The following FHOD1 variants were observed in gnomAD, a reference collection of about 807,000 sequenced individuals.
FHOD1 encodes the protein FH1/FH2 domain-containing protein 1.
Under a neutral mutation model 111.6 loss-of-function variants are expected in FHOD1, and 89 were observed. The observed-to-expected ratio is 0.80, with a 90% CI of 0.67 to 0.95. The LOEUF (loss-of-function observed/expected upper bound fraction) is 0.95. FHOD1 is among the 40% of genes least tolerant of loss of function. The pLI, the probability that FHOD1 is intolerant of heterozygous loss-of-function variation, is 0.00. For synonymous variants in FHOD1, 618 were observed against 639.0 expected (o/e 0.97, Z 0.50); for missense variants, 1,446 against 1,554.2 (o/e 0.93, Z 1.17).
rs756994428 is a variant in FHOD1 at position 67,229,454 on chromosome 16, A to G, written c.*182T>C. On this transcript the variant is annotated 3_prime_UTR_variant, in exon 22 of 22. Coordinates refer to ENST00000258201, the MANE Select transcript of FHOD1 (RefSeq NM_013241.3). The stretch of plus-strand genomic sequence containing the variant: ...AAGGAGCTCACACACATGCACATGC[A>G]TATGCATGCACACACACACATACAC... 12 of 628,340 alleles carry G rather than the reference A, an allele frequency of 1.9e-5. No individual in the cohort carries two copies. The highest frequency in any genetic ancestry group is 5.5e-5 in the African/African-American group (3 of 54,352). 38.9% of individuals were successfully genotyped at this position (628,340 alleles called of 1,614,324 possible).
intron 1 of FHOD1, among the ~76,000 whole-genome samples, chr16:67,242,744 G>A (rs1407077013): frequency 1.3e-5 from 2 of 152,034 alleles, no homozygotes; most frequent in Non-Finnish European, 2.9e-5. Flanking sequence ...TTCTCACATT[G>A]GCCTCCAGCC....
chr16:67,232,518 C>CAAA (rs988902359), intron 13 of FHOD1, among the ~76,000 whole-genome samples: 20 of 48,528 alleles, frequency 4.1e-4, no homozygotes, highest in Admixed American at 1.5e-3. Context: ...GACTCTGTCT[C>CAAA]AAAAAAAAAA....
chr16:67,246,907 G>T (rs2034864828), intron 1 of FHOD1: 2 of 413,190 alleles, frequency 4.8e-6, no homozygotes, highest in South Asian at 7.9e-5. Flanking sequence ...CCGTCACTCT[G>T]ACCAGGGAAG....
intron 13 of FHOD1, among the ~76,000 whole-genome samples, chr16:67,233,420 C>A (rs752026377): frequency 3.3e-5 from 5 of 151,536 alleles, no homozygotes; most frequent in Non-Finnish European, 5.9e-5. Context: ...CACTATGTTG[C>A]ACAGGCTGGT....
rs774648444 is a variant in FHOD1 at position 67,238,349 on chromosome 16, C to T, written c.441+31G>A. ...GGAGTTTAGGGAAGCTTGGGCTACACACTTACCCCCAGCCCACTGCGGGGC... is the reference window on the plus strand; with the variant it reads ...GGAGTTTAGGGAAGCTTGGGCTACATACTTACCCCCAGCCCACTGCGGGGC... On this transcript the variant is annotated intron_variant, in intron 4 of 21. Coordinates refer to ENST00000258201, the MANE Select transcript of FHOD1 (RefSeq NM_013241.3). This position sits in a 1 kb window ranked among gnomAD's most constrained non-coding sequence, Gnocchi z 4.2. The T allele has an allele frequency of 1.2e-6, 2 of 1,613,918 alleles. No individual in the cohort carries two copies. The highest frequency in any genetic ancestry group is 1.3e-5 in the African/African-American group (1 of 74,912).
At chr16:67,239,055 C>G (rs906079512) in intron 2 of FHOD1, 88 bp from the exon 3 acceptor site, 3 of 1,269,104 alleles carry the variant, frequency 2.4e-6, no homozygotes, top group South Asian at 2.4e-5. Flanking sequence ...CCTCCCCATG[C>G]CAGCCCCAGC....
chr16:67,230,582 C>G lies in FHOD1; in HGVS notation c.2858+19G>C, dbSNP rs766630962. The G allele has an allele frequency of 6.2e-7, 1 of 1,613,938 alleles. No homozygotes were observed. On this transcript the variant is annotated intron_variant, in intron 18 of 21. Coordinates refer to ENST00000258201, the MANE Select transcript of FHOD1 (RefSeq NM_013241.3). ...GGAGGGTGGTGGCCGTCCTGCCTCT[C>G]TTGGGTCCATGCCCCTACCTATTGC...
In FHOD1 at chr16:67,237,590, C is replaced by G. The variant is rs2034537633; in HGVS notation, c.755-21G>C. ...AGCACCTGCCACACAGAAAGTGGAGCAGTCATGGGGGAACAGGTAGGAGAG... is the reference window on the plus strand; with the variant it reads ...AGCACCTGCCACACAGAAAGTGGAGGAGTCATGGGGGAACAGGTAGGAGAG... On this transcript the variant is annotated intron_variant, in intron 7 of 21. Coordinates refer to ENST00000258201, the MANE Select transcript of FHOD1 (RefSeq NM_013241.3). The surrounding 1 kb of genome is among the most constrained non-coding windows in gnomAD (Gnocchi z 5.6). The G allele has an allele frequency of 6.2e-7, 1 of 1,613,568 alleles. No individual in the cohort carries two copies. Among genetic ancestry groups the G allele is most frequent in the African/African-American group, 1.3e-5 (1 of 74,876 alleles).
Position 67,229,850 on chromosome 16 carries a change from T to C in FHOD1, c.3355A>G (p.Ser1119Gly). The C allele has an allele frequency of 6.2e-7, 1 of 1,614,244 alleles. No homozygotes were observed. The highest frequency in any genetic ancestry group is 1.1e-5 in the South Asian group (1 of 91,088). The stretch of plus-strand genomic sequence containing the variant: ...TCCCTAGCAGCTAAGGCACGAGGAC[T>C]GCTCTTGGTCACTGACTGCACCAGA... Reference protein sequence around the residue: ...DLLVQSVTKSSPRALAARERK... With the variant: ...DLLVQSVTKSGPRALAARERK... The change falls in exon 21 of 22, where the codon AGT becomes GGT. Residue 1119 changes from serine (S) to glycine (G), a missense_variant. Coordinates refer to ENST00000258201, the MANE Select transcript of FHOD1 (RefSeq NM_013241.3).
At chr16:67,232,536 A>C (rs969350149) in intron 13 of FHOD1, among the ~76,000 whole-genome samples, 4 of 151,500 alleles carry the variant, frequency 2.6e-5, no homozygotes, top group Non-Finnish European at 4.4e-5. Flanking sequence ...AAAAAAAAAA[A>C]AAAAAGACTG....
intron 1 of FHOD1, among the ~76,000 whole-genome samples, chr16:67,243,121 G>A (rs570703881): frequency 6.6e-6 from 1 of 152,168 alleles, no homozygotes; most frequent in South Asian, 2.1e-4. Flanking sequence ...CAGGGTACAG[G>A]GAAGATGGAA....
In FHOD1 at chr16:67,237,866, A is replaced by C; in HGVS notation, c.643-98T>G. The C allele has an allele frequency of 7.3e-7, 1 of 1,367,002 alleles. No individual in the cohort carries two copies. Among genetic ancestry groups the C allele is most frequent in the Non-Finnish European group, 1.0e-6 (1 of 963,064 alleles). The allele number at this position is 1,367,002 out of a possible 1,614,324, so 84.7% of individuals were successfully genotyped here. ...AGGGCTGCTGGGGCTGGACCCAGAG[A>C]GAATCTAGGCAGAATGACCCTGGCC... On this transcript the variant is annotated intron_variant, in intron 6 of 21. Transcript: ENST00000258201. This position sits in a 1 kb window ranked among gnomAD's most constrained non-coding sequence, Gnocchi z 5.6.
intron 1 of FHOD1, among the ~76,000 whole-genome samples, chr16:67,244,165 T>G (rs1195519969): frequency 6.6e-6 from 1 of 152,146 alleles, no homozygotes; most frequent in Non-Finnish European, 1.5e-5. Context: ...AGGGCTTTCC[T>G]GGCCTTTGCA....
rs1396033537 is a variant in FHOD1, at chr16:67,236,738, A to C, written c.1143-5T>G. The C allele has an allele frequency of 5.9e-6, 9 of 1,518,618 alleles. No individual in the cohort carries two copies. Among genetic ancestry groups the C allele is most frequent in the Non-Finnish European group, 8.0e-6 (9 of 1,131,064 alleles). The allele number at this position is 1,518,618 out of a possible 1,614,324, so 94.1% of individuals were successfully genotyped here. On this transcript the variant is annotated splice_region_variant and splice_polypyrimidine_tract_variant and intron_variant, in intron 10 of 21. Transcript: ENST00000258201. ...GGTGAGGCGGGGCCTGTGGGGCTGA[A>C]AGCAGGGGCTGTCAGTGGGGCGGGG... is the stretch of plus-strand genomic sequence containing the variant.
At chr16:67,241,255 G>A (rs1326636810) in intron 1 of FHOD1, among the ~76,000 whole-genome samples, 1 of 152,114 alleles carries the variant, frequency 6.6e-6, no homozygotes, top group African/African-American at 2.4e-5. Context: ...CTCCCTGGGA[G>A]CAGAGTCATC....
In FHOD1 at chr16:67,231,956, C is replaced by T; in HGVS notation, c.2202+83G>A. On this transcript the variant is annotated intron_variant, in intron 14 of 21. Transcript: ENST00000258201. The surrounding 1 kb of genome is among the most constrained non-coding windows in gnomAD (Gnocchi z 4.3). ...CCTGCAGAAATGCCAAGCCCATGCC[C>T]ACCACCAGAGGGACAGGAAATGCCC... 1.3e-6 allele frequency: 2 copies of T among 1,572,476 alleles called. No individual in the cohort carries two copies. Among genetic ancestry groups the T allele is most frequent in the Non-Finnish European group, 1.7e-6 (2 of 1,156,014 alleles).
rs1481467912 is a variant in FHOD1, at chr16:67,236,706, G to A, written c.1170C>T (p.Gly390=). 6.3e-7 allele frequency: 1 copy of A among 1,575,844 alleles called. No homozygotes were observed. The highest frequency in any genetic ancestry group is 8.6e-7 in the Non-Finnish European group (1 of 1,160,804). Residue 390 remains glycine (G), a synonymous_variant, in exon 11 of 22, where the codon GGC becomes GGT. Coordinates refer to ENST00000258201, the MANE Select transcript of FHOD1 (RefSeq NM_013241.3). ...GGGCGGGGCCGGTGGAAGAGGTGGG[G>A]CCTACCGGTGAGGCGGGGCCTGTGG... ...PGPTGPASPV[G]PTSSTGPALL...
At chr16:67,247,180 T>G (rs775872537) in intron 1 of FHOD1, 30 bp downstream of exon 1, 1 of 1,497,620 alleles carries the variant, frequency 6.7e-7, no homozygotes, top group Non-Finnish European at 8.9e-7. Context: ...GAACCCCCGA[T>G]CGCCCCAACC....
At position 67,230,440 on chromosome 16, in the gene FHOD1, C is replaced by G; in HGVS notation, c.2925G>C (p.Gln975His). ...PQAAREVRIM[Q>H]FCHTLREFAL... ...CAAATTCCCGCAGCGTGTGGCAGAACTGCATGATGCGCACTTCACGGGCCG... is the reference window on the plus strand; with the variant it reads ...CAAATTCCCGCAGCGTGTGGCAGAAGTGCATGATGCGCACTTCACGGGCCG... Residue 975 changes from glutamine (Q) to histidine (H), a missense_variant, in exon 19 of 22, where the codon CAG becomes CAC. Coordinates refer to ENST00000258201, the MANE Select transcript of FHOD1 (RefSeq NM_013241.3). 1.9e-6 allele frequency: 3 copies of G among 1,614,256 alleles called. No homozygotes were observed. Among genetic ancestry groups the G allele is most frequent in the Non-Finnish European group, 2.5e-6 (3 of 1,180,046 alleles).
Sources: allele counts gnomAD v4.1 joint callset (sites outside exome capture counted in the v4.1 genomes callset), GRCh38; gene constraint gnomAD v4.1.1; non-coding constraint Gnocchi (gnomAD v3.1); transcripts MANE v1.5; gene names NCBI Gene and HGNC (gene_info 2026-07-23, HGNC 2026-07-21).